TECRL: variants seen among roughly 807,000 people sequenced by gnomAD.
The protein encoded by TECRL is trans-2,3-enoyl-CoA reductase like.
A neutral mutation model predicts 52.8 loss-of-function variants in TECRL; 63 were observed. The ratio of observed to expected loss-of-function variants is 1.19; its 90% CI spans 0.97 to 1.47. TECRL has a LOEUF of 1.47. TECRL is among the 40% of genes most tolerant of loss of function. The pLI is 0.00. For missense variants in TECRL, 482 were observed against 429.6 expected (o/e 1.12, Z -1.08); for synonymous variants, 164 against 141.9 (o/e 1.16, Z -1.10).
chr4:64,359,589 C>T (rs17084731), intron 2 of TECRL, among the ~76,000 whole-genome samples: 34,666 of 151,668 alleles, frequency 0.23, 4,108 homozygotes, highest in Middle Eastern at 0.3. Flanking sequence ...ATAACATTGA[C>T]ATTGCACAGC....
chr4:64,302,764 A>G (rs536399989), intron 7 of TECRL, among the ~76,000 whole-genome samples: 110 of 151,504 alleles, frequency 7.3e-4, no homozygotes, highest in African/African-American at 2.3e-3. Context: ...AAATTAAAAG[A>G]ATTACTGATT....
chr4:64,340,731 C>T (rs1719509178), intron 2 of TECRL, among the ~76,000 whole-genome samples: 1 of 152,200 alleles, frequency 6.6e-6, no homozygotes, highest in South Asian at 2.1e-4. Context: ...GGTGAGGCCT[C>T]ATCTTCAGGC....
At chr4:64,393,899 A>G (rs764269789) in intron 1 of TECRL, among the ~76,000 whole-genome samples, 4 of 152,048 alleles carry the variant, frequency 2.6e-5, no homozygotes, top group African/African-American at 4.8e-5. Context: ...CTAGCTAGAT[A>G]AAAATAAAAT....
At chr4:64,293,162 AC>A (rs1019461170) in intron 8 of TECRL, among the ~76,000 whole-genome samples, 1 of 152,136 alleles carries the variant, frequency 6.6e-6, no homozygotes, top group African/African-American at 2.4e-5. Context: ...TAAATTGTCA[AC>A]TAATACGATA....
intron 1 of TECRL, among the ~76,000 whole-genome samples, chr4:64,377,294 A>T (rs1298973310): frequency 6.6e-6 from 1 of 152,024 alleles, no homozygotes; most frequent in African/African-American, 2.4e-5. Flanking sequence ...TAGCCACAGG[A>T]TTGTACTTGA....
At chr4:64,364,512 G>T (rs1349331718) in intron 2 of TECRL, among the ~76,000 whole-genome samples, 1 of 151,844 alleles carries the variant, frequency 6.6e-6, no homozygotes, top group East Asian at 1.9e-4. Context: ...TAGATGGCTA[G>T]CTAGATAATG....
chr4:64,289,825 AC>A (rs1723280430), intron 8 of TECRL, 58 bp from the exon 9 acceptor site: 4 of 1,119,432 alleles, frequency 3.6e-6, no homozygotes, highest in Non-Finnish European at 5.0e-6. Context: ...TTTTAAAAAA[AC>A]ATATTCTAGA....
intron 2 of TECRL, among the ~76,000 whole-genome samples, chr4:64,347,738 C>G (rs1231325375): frequency 6.6e-6 from 1 of 152,102 alleles, no homozygotes; most frequent in African/African-American, 2.4e-5. Context: ...CAGTAACCTC[C>G]TCTCTCTGTA....
At chr4:64,356,970 A>G (rs1052358208) in intron 2 of TECRL, among the ~76,000 whole-genome samples, 6 of 152,164 alleles carry the variant, frequency 3.9e-5, no homozygotes, top group Non-Finnish European at 7.4e-5. Context: ...TCTCAACTCT[A>G]TAGTAGAAAA....
Position 64,279,817 on chromosome 4 carries a change from A to G in TECRL, c.*255T>C, listed in dbSNP as rs1001734076. 1 of 1,026,916 alleles carries G rather than the reference A, an allele frequency of 9.7e-7. No individual in the cohort carries two copies. The highest frequency in any genetic ancestry group is 4.3e-5 in the South Asian group (1 of 23,438). The allele number at this position is 1,026,916 out of a possible 1,614,324, so 63.6% of individuals were successfully genotyped here. On this transcript the variant is annotated 3_prime_UTR_variant, in exon 12 of 12. Transcript: ENST00000381210. The stretch of plus-strand genomic sequence containing the variant: ...AGTATTGTGAAGTATTAATGAAGTA[A>G]GACAATTTTATTCAAGGACCAATCC...
At chr4:64,351,842 T>A (rs1720414532) in intron 2 of TECRL, among the ~76,000 whole-genome samples, 1 of 152,184 alleles carries the variant, frequency 6.6e-6, no homozygotes, top group African/African-American at 2.4e-5. Flanking sequence ...AACTACACTT[T>A]ATAAATTAGT....
intron 1 of TECRL, among the ~76,000 whole-genome samples, chr4:64,401,986 C>T (rs902255070): frequency 6.6e-6 from 1 of 152,054 alleles, no homozygotes; most frequent in African/African-American, 2.4e-5. Flanking sequence ...AATTTATTCA[C>T]TTTTCATTGG....
chr4:64,279,130 T>C lies in TECRL; in HGVS notation c.*942A>G, dbSNP rs1349035870. 6.6e-6 allele frequency: 1 copy of C among 152,234 alleles called. No individual in the cohort carries two copies. Among genetic ancestry groups the C allele is most frequent in the African/African-American group, 2.4e-5 (1 of 41,464 alleles). 9.4% of individuals were successfully genotyped at this position (152,234 alleles called of 1,614,324 possible). A position where few individuals can be genotyped will look rare whatever the true frequency, so the allele number is the denominator to read the frequency against. Reference sequence around the variant, plus strand: ...TTCCAGTAATGGTATTGCTGGATCATATGATAGTTCTATTTGTAATTTTTG... The same window carrying C: ...TTCCAGTAATGGTATTGCTGGATCACATGATAGTTCTATTTGTAATTTTTG... On this transcript the variant is annotated 3_prime_UTR_variant, in exon 12 of 12. Transcript: ENST00000381210.
At chr4:64,360,758 G>A (rs1721129575) in intron 2 of TECRL, among the ~76,000 whole-genome samples, 1 of 152,162 alleles carries the variant, frequency 6.6e-6, no homozygotes, top group Admixed American at 6.6e-5. Context: ...TGGGGAAAGG[G>A]TGAGTGCAAT....
At chr4:64,318,269 C>T (rs1185662705) in intron 4 of TECRL, among the ~76,000 whole-genome samples, 3 of 151,888 alleles carry the variant, frequency 2.0e-5, no homozygotes, top group Non-Finnish European at 2.9e-5. Context: ...GAATATCAGA[C>T]ACAAACTTTA....
chr4:64,359,744 A>C (rs1721044799), intron 2 of TECRL, among the ~76,000 whole-genome samples: 1 of 152,044 alleles, frequency 6.6e-6, no homozygotes, highest in African/African-American at 2.4e-5. Flanking sequence ...TAAGAGTTTG[A>C]TCTCCTGCAA....
At chr4:64,384,765 C>A (rs554512279) in intron 1 of TECRL, among the ~76,000 whole-genome samples, 1 of 152,228 alleles carries the variant, frequency 6.6e-6, no homozygotes, top group Non-Finnish European at 1.5e-5. Context: ...AGGGCCCTGA[C>A]AGCATGAATA....
At chr4:64,304,441 A>T (rs919848904) in intron 7 of TECRL, among the ~76,000 whole-genome samples, 8 of 152,040 alleles carry the variant, frequency 5.3e-5, no homozygotes, top group African/African-American at 1.9e-4. Flanking sequence ...TATTTTCTAA[A>T]ATTTAAAAAT....
At chr4:64,298,466 A>C (rs1270705159) in intron 8 of TECRL, among the ~76,000 whole-genome samples, 1 of 151,280 alleles carries the variant, frequency 6.6e-6, no homozygotes, top group Non-Finnish European at 1.5e-5. Flanking sequence ...GCTTATGTCT[A>C]ATTATGCCTC....
Sources: gnomAD v4.1 joint callset for allele counts (sites outside exome capture counted in the v4.1 genomes callset) on GRCh38, gnomAD v4.1.1 for gene constraint, MANE v1.5 for transcripts, NCBI Gene and HGNC (gene_info 2026-07-23, HGNC 2026-07-21) for gene names.